The following LTBP2 variants were observed in gnomAD, a reference collection of about 807,000 sequenced individuals.
The protein encoded by LTBP2 is latent-transforming growth factor beta-binding protein 2.
Under a neutral mutation model 210.6 loss-of-function variants are expected in LTBP2, and 103 were observed. The observed-to-expected ratio is 0.49, with a 90% confidence interval of 0.42 to 0.58. LTBP2 has a LOEUF of 0.58. Among genes scored for constraint, LTBP2 ranks in the 20% least tolerant of loss-of-function variants. The pLI is 0.00. For synonymous variants in LTBP2, 1,007 were observed against 1,015.0 expected, an observed-to-expected ratio of 0.99 and a Z score of 0.15; for missense variants, 2,313 against 2,494.5, an observed-to-expected ratio of 0.93 and a Z score of 1.55.
In LTBP2 at chr14:74,529,130, AG is replaced by A. The variant is rs1280887652; in HGVS notation, c.1988-9del. 1.3e-6 allele frequency: 2 copies of A among 1,551,354 alleles called. No individual in the cohort carries two copies. Among genetic ancestry groups the A allele is most frequent in the Non-Finnish European group, 1.7e-6 (2 of 1,147,128 alleles). ...TGGAGATTGCCTTGTCCGCTGCAACAGACACAGCACGTGGAGGTGGGCAGGT... is the reference window on the plus strand; with the variant it reads ...TGGAGATTGCCTTGTCCGCTGCAACAACACAGCACGTGGAGGTGGGCAGGT... On this transcript the variant is annotated splice_polypyrimidine_tract_variant and intron_variant, in intron 10 of 35. Transcript: ENST00000261978.
At chr14:74,611,386 C>A in intron 1 of LTBP2, 65 bp downstream of exon 1, 1 of 1,402,526 alleles carries the variant, frequency 7.1e-7, no homozygotes. Context: ...CTCGCCTGCA[C>A]GCCCCTCCAC....
rs370612575 is a variant in LTBP2 at position 74,507,967 on chromosome 14, C to A, written c.3775+6G>T. 207 of 1,612,956 alleles carry A rather than the reference C, an allele frequency of 1.3e-4. No homozygotes were observed. The African/African-American group carries it at 2.4e-3, about 19-fold the overall frequency. ...GAGCCCTGTGCCCTCCCCCCAGAGC[C>A]CTTACCCACACACTCTCCACTCTCT... On this transcript the variant is annotated splice_donor_region_variant and intron_variant, in intron 25 of 35. Coordinates refer to ENST00000261978, the MANE Select transcript of LTBP2 (RefSeq NM_000428.3).
At chr14:74,608,007 G>A (rs1161945012) in intron 1 of LTBP2, among the ~76,000 whole-genome samples, 7 of 149,916 alleles carry the variant, frequency 4.7e-5, no homozygotes, top group African/African-American at 1.5e-4. Context: ...TGCAAGCTCC[G>A]CTTCCCGGGT....
intron 8 of LTBP2, among the ~76,000 whole-genome samples, chr14:74,540,830 A>ATCTT (rs1555350191): frequency 1.5e-5 from 1 of 68,646 alleles, no homozygotes; most frequent in Non-Finnish European, 2.9e-5. Context: ...ATTTTTATAT[A>ATCTT]ATATATATTT....
In LTBP2 at chr14:74,611,456, G is replaced by C. The variant is rs1317561305; in HGVS notation, c.489C>G (p.Leu163=). The C allele has an allele frequency of 1.4e-5, 21 of 1,490,920 alleles. No individual in the cohort carries two copies. Among genetic ancestry groups the C allele is most frequent in the Non-Finnish European group, 1.9e-5 (21 of 1,132,404 alleles). 92.4% of individuals were successfully genotyped at this position (1,490,920 alleles called of 1,614,324 possible). Residue 163 remains leucine, a synonymous_variant, in exon 1 of 36, where the codon CTC becomes CTG. Coordinates refer to ENST00000261978, the MANE Select transcript of LTBP2 (RefSeq NM_000428.3). The stretch of plus-strand genomic sequence containing the variant: ...CTTCCCTCTCCCATGCTCACCCCGT[G>C]AGCCGCCCTCGCGGCGGGGTTGGGG... ...AAPPTPPRGR[L]TGRNVCGGQC...
At position 74,528,990 on chromosome 14, in the gene LTBP2, C is replaced by T; in HGVS notation, c.2120G>A (p.Ser707Asn). The T allele has an allele frequency of 6.2e-7, 1 of 1,609,720 alleles. No individual in the cohort carries two copies. Among genetic ancestry groups the T allele is most frequent in the Non-Finnish European group, 8.5e-7 (1 of 1,178,470 alleles). The change falls in exon 11 of 36, where the codon AGC (serine) becomes AAC (asparagine). Residue 707 changes from serine to asparagine, a missense_variant. By Grantham distance (46) the Ser-to-Asn change is conservative. Around this residue, in one of 3 missense-constraint regions of LTBP2, gnomAD observed 1,867 missense variants for 1,976.9 expected, o/e 0.94. Transcript: ENST00000261978. ...AGGCAGAGGGCATTTCTCACACTCG[C>T]TGCCCCATGCTTTGCCCACGCGGCT... Reference protein sequence around the residue: ...CCSRVGKAWGSECEKCPLPGT... With the variant: ...CCSRVGKAWGNECEKCPLPGT...
At chr14:74,592,398 G>T (rs1031326732) in intron 2 of LTBP2, among the ~76,000 whole-genome samples, 2 of 152,188 alleles carry the variant, frequency 1.3e-5, no homozygotes, top group Admixed American at 6.5e-5. Flanking sequence ...GGTGGGTGCG[G>T]TGGCTCACGC....
chr14:74,611,431 C>T lies in LTBP2; in HGVS notation c.494+20G>A, dbSNP rs2088606098. Reference sequence around the variant, plus strand: ...CTGGCTCCCCTCTGTACCCTCCAAACTTCCCTCTCCCATGCTCACCCCGTG... The same window carrying T: ...CTGGCTCCCCTCTGTACCCTCCAAATTTCCCTCTCCCATGCTCACCCCGTG... On this transcript the variant is annotated intron_variant, in intron 1 of 35. Coordinates refer to ENST00000261978, the MANE Select transcript of LTBP2 (RefSeq NM_000428.3). 1.4e-6 allele frequency: 2 copies of T among 1,472,734 alleles called. No individual in the cohort carries two copies. Among genetic ancestry groups the T allele is most frequent in the Admixed American group, 2.6e-5 (1 of 38,770 alleles). The allele number at this position is 1,472,734 out of a possible 1,614,324, so 91.2% of individuals were successfully genotyped here.
intron 5 of LTBP2, 49 bp from the exon 6 acceptor site, chr14:74,552,442 C>A: frequency 6.5e-7 from 1 of 1,549,498 alleles, no homozygotes; most frequent in East Asian, 2.3e-5. Flanking sequence ...ACAGCAGCAC[C>A]CGCTCTGTGG....
In LTBP2 at chr14:74,555,649, A is replaced by C. The variant is rs1215589426; in HGVS notation, c.875T>G (p.Val292Gly). 2 of 1,582,000 alleles carry C rather than the reference A, an allele frequency of 1.3e-6. No homozygotes were observed. Among genetic ancestry groups the C allele is most frequent in the Non-Finnish European group, 8.6e-7 (1 of 1,159,804 alleles). The change falls in exon 4 of 36, where the codon GTG becomes GGG. Residue 292 changes from valine to glycine, a missense_variant. Transcript: ENST00000261978. ...AAGTCGGACAGTGCGGGACAACCCC[A>C]CGTGCTGCTGGGAAGGGTGGGTCTG... ...LSQTHPSQQH[V>G]GLSRTVRLHP...
At chr14:74,571,226 T>G (rs1013568760) in intron 3 of LTBP2, among the ~76,000 whole-genome samples, 1 of 152,080 alleles carries the variant, frequency 6.6e-6, no homozygotes, top group Non-Finnish European at 1.5e-5. Context: ...CCCAGTTACT[T>G]AGGAGGCTGA....
chr14:74,546,776 G>A (rs1322913606), intron 8 of LTBP2, among the ~76,000 whole-genome samples: 1 of 152,254 alleles, frequency 6.6e-6, no homozygotes, highest in African/African-American at 2.4e-5. Flanking sequence ...CTCACCAGCT[G>A]TATTTGGAGC....
intron 6 of LTBP2, 98 bp downstream of exon 6, chr14:74,552,089 C>A: frequency 4.3e-6 from 5 of 1,161,680 alleles, no homozygotes; most frequent in Non-Finnish European, 2.5e-6. Flanking sequence ...GGAAGGACTA[C>A]AGGCAGCTTC....
chr14:74,578,296 C>A (rs1165034544), intron 3 of LTBP2, among the ~76,000 whole-genome samples: 2 of 152,156 alleles, frequency 1.3e-5, no homozygotes, highest in Non-Finnish European at 1.5e-5. Context: ...TTTATTGGAC[C>A]GACTGTGTGG....
At chr14:74,523,250 C>T (rs1270008305) in intron 15 of LTBP2, among the ~76,000 whole-genome samples, 1 of 152,180 alleles carries the variant, frequency 6.6e-6, no homozygotes, top group Admixed American at 6.5e-5. Context: ...CTACCCAGTG[C>T]CCAGCGCCAT....
In LTBP2 at chr14:74,504,839, A is replaced by G; in HGVS notation, c.4392T>C (p.Pro1464=). ...CCACAGGAATGTAGCCTTTTCCACT[A>G]GGGCAGATCTCGCTGAATTCAGCTA... ...EDSAEFSEIC[P]SGKGYIPVEG... is the part of the protein sequence containing the mutation. Residue 1464 remains proline, a synonymous_variant, in exon 30 of 36, where the codon CCT becomes CCC. Coordinates refer to ENST00000261978, the MANE Select transcript of LTBP2 (RefSeq NM_000428.3). 1 of 1,614,242 alleles carries G rather than the reference A, an allele frequency of 6.2e-7. No homozygotes were observed. Among genetic ancestry groups the G allele is most frequent in the South Asian group, 1.1e-5 (1 of 91,084 alleles).
At chr14:74,571,065 C>T (rs1255778034) in intron 3 of LTBP2, among the ~76,000 whole-genome samples, 1 of 150,650 alleles carries the variant, frequency 6.6e-6, no homozygotes, top group South Asian at 2.1e-4. Flanking sequence ...GGCACGGTGG[C>T]TCATGCCTGT....
intron 2 of LTBP2, among the ~76,000 whole-genome samples, chr14:74,592,961 CT>C (rs892999612): frequency 6.6e-6 from 1 of 152,184 alleles, no homozygotes; most frequent in Non-Finnish European, 1.5e-5. Flanking sequence ...CCACACCCCC[CT>C]GGCCCGCTCT....
At chr14:74,556,369 G>A (rs562208716) in intron 3 of LTBP2, among the ~76,000 whole-genome samples, 53 of 152,170 alleles carry the variant, frequency 3.5e-4, no homozygotes, top group Admixed American at 1.2e-3. Flanking sequence ...TTTAAATTCC[G>A]TTTTTCACTT....
Sources: allele counts gnomAD v4.1 joint callset (sites outside exome capture counted in the v4.1 genomes callset), GRCh38; gene constraint gnomAD v4.1.1; regional missense constraint gnomAD v4.1.1; transcripts MANE v1.5; gene names NCBI Gene and HGNC (gene_info 2026-07-23, HGNC 2026-07-21).